Variants in PLS1 observed in about 807,000 individuals in gnomAD.
PLS1 encodes plastin 1.
PLS1 carries 32 observed loss-of-function variants against 73.7 expected under a neutral mutation model. The ratio of observed to expected loss-of-function variants is 0.43; its 90% CI spans 0.33 to 0.58. The LOEUF is 0.58. PLS1 is among the 20% of genes least tolerant of loss of function. PLS1 has a pLI of 0.04. For synonymous variants in PLS1, 217 were observed against 261.3 expected, an observed-to-expected ratio of 0.83 and a Z score of 1.63; for missense variants, 633 against 740.5, an observed-to-expected ratio of 0.85 and a Z score of 1.68.
At chr3:142,666,786 C>A (rs1560057782) in intron 2 of PLS1, among the ~76,000 whole-genome samples, 1 of 152,162 alleles carries the variant, frequency 6.6e-6, no homozygotes, top group Non-Finnish European at 1.5e-5. Flanking sequence ...GTTCCATTTT[C>A]TTCACATCCT....
chr3:142,607,148 C>T (rs1428826235), intron 1 of PLS1, among the ~76,000 whole-genome samples: 1 of 152,080 alleles, frequency 6.6e-6, no homozygotes, highest in African/African-American at 2.4e-5. Flanking sequence ...GTAAGTATCA[C>T]ATTGTAGTGA....
At chr3:142,614,891 G>A (rs922946299) in intron 1 of PLS1, among the ~76,000 whole-genome samples, 1 of 152,056 alleles carries the variant, frequency 6.6e-6, no homozygotes, top group Non-Finnish European at 1.5e-5. Context: ...GGCTGGAAGT[G>A]TTGAATGCTG....
intron 1 of PLS1, among the ~76,000 whole-genome samples, chr3:142,644,047 C>T (rs552414477): frequency 1.3e-4 from 20 of 152,012 alleles, no homozygotes; most frequent in African/African-American, 3.9e-4. Context: ...AGGCTGGTCT[C>T]GAACTCCTGA....
Position 142,671,135 on chromosome 3 carries a change from T to C in PLS1, c.364+13T>C. On this transcript the variant is annotated intron_variant, in intron 4 of 15. Transcript: ENST00000457734. ...CATTCTTATTCAGGTAACTGACTTC[T>C]CCAAATTTGATCTTTTAGTCACTGA... The C allele has an allele frequency of 6.2e-7, 1 of 1,607,536 alleles. No homozygotes were observed. The highest frequency in any genetic ancestry group is 8.5e-7 in the Non-Finnish European group (1 of 1,174,952).
At position 142,619,928 on chromosome 3, in the gene PLS1, G is replaced by T. The variant is rs540687262; in HGVS notation, c.-37+23419G>T. Among the ~76,000 whole-genome samples, 3 of 152,148 alleles carry T rather than the reference G, an allele frequency of 2.0e-5. No individual in the cohort carries two copies. In the East Asian group the frequency reaches 5.8e-4, roughly 29 times the overall value. ...TTTTTCTTCTATTTTTTAATGTGAT[G>T]TATATATGCAGAAAAACATAAAAAT... On this transcript the variant is annotated intron_variant, in intron 1 of 15. Coordinates refer to ENST00000457734, the MANE Select transcript of PLS1 (RefSeq NM_001145319.2).
intron 1 of PLS1, among the ~76,000 whole-genome samples, chr3:142,630,931 G>T (rs1254462398): frequency 1.5e-5 from 1 of 67,500 alleles, no homozygotes; most frequent in Non-Finnish European, 2.8e-5. Context: ...TAGAGAGCAT[G>T]TAAATAAACA....
intron 1 of PLS1, among the ~76,000 whole-genome samples, chr3:142,600,916 A>ATAT (rs1560024585): frequency 2.0e-4 from 3 of 14,838 alleles, no homozygotes; most frequent in Admixed American, 1.4e-3. Flanking sequence ...ATATATATAT[A>ATAT]TTTTTTTTTT....
At chr3:142,701,172 A>T (rs1314041671) in intron 12 of PLS1, among the ~76,000 whole-genome samples, 1 of 152,188 alleles carries the variant, frequency 6.6e-6, no homozygotes, top group Non-Finnish European at 1.5e-5. Context: ...TACCTTGCAT[A>T]GGTTCTTCAT....
At chr3:142,693,064 T>C (rs2107920121) in intron 10 of PLS1, among the ~76,000 whole-genome samples, 1 of 152,282 alleles carries the variant, frequency 6.6e-6, no homozygotes, top group Admixed American at 6.5e-5. Flanking sequence ...TCATGTAGAC[T>C]GTTTATTATA....
intron 13 of PLS1, 97 bp downstream of exon 13, chr3:142,704,098 A>G: frequency 1.1e-6 from 1 of 912,048 alleles, no homozygotes; most frequent in Non-Finnish European, 1.7e-6. Flanking sequence ...TGAACACAGA[A>G]GAAATATACA....
chr3:142,659,493 ATTT>A (rs1016031854), intron 1 of PLS1, among the ~76,000 whole-genome samples: 3 of 151,638 alleles, frequency 2.0e-5, no homozygotes, highest in African/African-American at 7.3e-5. Flanking sequence ...TATTTGTTTC[ATTT>A]TTTTTAAATG....
At chr3:142,629,302 G>A (rs1445025503) in intron 1 of PLS1, among the ~76,000 whole-genome samples, 1 of 151,730 alleles carries the variant, frequency 6.6e-6, no homozygotes, top group Non-Finnish European at 1.5e-5. Flanking sequence ...GTTCAAGCAA[G>A]TCTTCTGCCT....
Position 142,686,265 on chromosome 3 carries a change from T to A in PLS1, c.889-19T>A, listed in dbSNP as rs768419864. 1.7e-5 allele frequency: 24 copies of A among 1,444,084 alleles called. No individual in the cohort carries two copies. The highest frequency in any genetic ancestry group is 2.3e-5 in the Non-Finnish European group (24 of 1,028,256). The allele number at this position is 1,444,084 out of a possible 1,614,324, so 89.5% of individuals were successfully genotyped here. On this transcript the variant is annotated intron_variant, in intron 8 of 15. Transcript: ENST00000457734. Reference sequence around the variant, plus strand: ...ATTTTATTCGTTTTAAAAATGCTATTTCATATCTTTCCTTGAAGGACTCGA... The same window carrying A: ...ATTTTATTCGTTTTAAAAATGCTATATCATATCTTTCCTTGAAGGACTCGA...
rs112239407 is a variant in PLS1, at chr3:142,704,692, A to G, written c.1629+106A>G. Reference sequence around the variant, plus strand: ...GAGATGGAGTCTCGCTCTGTCACCCAGGCTGGTGTGCAGTGGCGCGATCTT... The same window carrying G: ...GAGATGGAGTCTCGCTCTGTCACCCGGGCTGGTGTGCAGTGGCGCGATCTT... On this transcript the variant is annotated intron_variant, in intron 14 of 15. Transcript: ENST00000457734. 79,931 of 513,616 alleles carry G rather than the reference A, an allele frequency of 0.16. 9,288 individuals are homozygous for G. Among genetic ancestry groups the G allele is most frequent in the African/African-American group, 0.44 (18,063 of 41,396 alleles). The allele number at this position is 513,616 out of a possible 1,614,324, so 31.8% of individuals were successfully genotyped here. A position where few individuals can be genotyped will look rare whatever the true frequency, so the allele number is the denominator to read the frequency against.
chr3:142,687,324 G>A (rs998997762), intron 9 of PLS1, among the ~76,000 whole-genome samples: 8 of 151,976 alleles, frequency 5.3e-5, no homozygotes, highest in Admixed American at 3.9e-4. Flanking sequence ...GTGACCCACC[G>A]GCCGTGGGTT....
At chr3:142,706,841 G>A (rs572840922) in intron 14 of PLS1, among the ~76,000 whole-genome samples, 4 of 152,028 alleles carry the variant, frequency 2.6e-5, no homozygotes, top group African/African-American at 4.8e-5. Flanking sequence ...ATGGGTAACC[G>A]GAAAACAGAT....
At chr3:142,689,965 G>A in intron 10 of PLS1, 152 bp downstream of exon 10, 1 of 453,928 alleles carries the variant, frequency 2.2e-6, no homozygotes, top group Non-Finnish European at 3.8e-6. Flanking sequence ...TATGGAAGGT[G>A]GTTGCTGGTT....
chr3:142,704,394 A>T (rs2038404760), intron 13 of PLS1, 69 bp from the exon 14 acceptor site: 1 of 1,189,646 alleles, frequency 8.4e-7, no homozygotes, highest in Admixed American at 2.2e-5. Context: ...TTATCTAAAC[A>T]TTGATATAAA....
At chr3:142,675,051 TA>T (rs1442589613) in intron 4 of PLS1, among the ~76,000 whole-genome samples, 1 of 152,164 alleles carries the variant, frequency 6.6e-6, no homozygotes, top group Non-Finnish European at 1.5e-5. Context: ...AATTTTTTAA[TA>T]GTTAAATTCC....
Sources: gnomAD v4.1 joint callset for allele counts (sites outside exome capture counted in the v4.1 genomes callset) on GRCh38, gnomAD v4.1.1 for gene constraint, MANE v1.5 for transcripts, NCBI Gene and HGNC (gene_info 2026-07-23, HGNC 2026-07-21) for gene names.